STON2: variants seen among roughly 807,000 people sequenced by gnomAD.
STON2 encodes stonin 2.
Under a neutral mutation model 65.7 loss-of-function variants are expected in STON2, and 29 were observed. That is an observed-to-expected ratio of 0.44 (90% CI 0.33 to 0.60). The LOEUF is 0.60. Ranked by LOEUF, STON2 falls within the 20% of genes least tolerant of loss-of-function variation. The probability of loss-of-function intolerance (pLI) is 0.03; values close to 1 mark genes in which losing one functional copy is unlikely to be tolerated. For synonymous variants in STON2, 404 were observed against 414.2 expected, an observed-to-expected ratio of 0.98 and a Z score of 0.30; for missense variants, 1,054 against 1,118.1, an observed-to-expected ratio of 0.94 and a Z score of 0.82.
intron 5 of STON2, among the ~76,000 whole-genome samples, chr14:81,312,968 G>A (rs1432253971): frequency 6.6e-6 from 1 of 152,202 alleles, no homozygotes; most frequent in South Asian, 2.1e-4. Context: ...GACCCTTACA[G>A]GCAAACTAAT....
chr14:81,322,667 GA>G (rs1428835158), intron 5 of STON2, among the ~76,000 whole-genome samples: 1 of 152,202 alleles, frequency 6.6e-6, no homozygotes, highest in African/African-American at 2.4e-5. Context: ...AAACTTGGAA[GA>G]GGGGCATTCA....
At chr14:81,300,090 T>C (rs1895913896) in intron 5 of STON2, among the ~76,000 whole-genome samples, 1 of 151,976 alleles carries the variant, frequency 6.6e-6, no homozygotes, top group Non-Finnish European at 1.5e-5. Context: ...GACAATCTCA[T>C]AGGAAAGATA....
intron 7 of STON2, 157 bp from the exon 8 acceptor site, chr14:81,268,654 T>C (rs1023008095): frequency 1.0e-6 from 1 of 984,904 alleles, no homozygotes; most frequent in Non-Finnish European, 1.2e-6. Context: ...CCTGAGTATA[T>C]CATGTCTCTC....
rs936104191 is a variant in STON2 at position 81,410,047 on chromosome 14, C to CTTCTTA, written c.-198-11473_-198-11468dup. ...CAGATTAGTTCATACAGCTCTGATC[C>CTTCTTA]TTCTTATTTTCTCTTTTTTCCCAAC... On this transcript the variant is annotated intron_variant, in intron 2 of 8. Transcript: ENST00000553821. 1.6e-4 allele frequency among the ~76,000 whole-genome samples: 25 copies of CTTCTTA among 152,002 alleles called. No homozygotes were observed. In the South Asian group the frequency reaches 4.8e-3, roughly 29 times the overall value.
intron 5 of STON2, among the ~76,000 whole-genome samples, chr14:81,295,410 C>A (rs925806184): frequency 6.6e-6 from 1 of 152,166 alleles, no homozygotes; most frequent in Admixed American, 6.5e-5. Flanking sequence ...TCTATTAAAC[C>A]AAAACTTGTC....
Position 81,370,976 on chromosome 14 carries a change from G to A in STON2, c.571+12C>T. On this transcript the variant is annotated intron_variant, in intron 4 of 7. Transcript: ENST00000614646. ...GATTTGCAAAGCCCTCTGGCTTAGA[G>A]CTCCATCTTACCAGTTGAGTCAGCC... 1 of 1,611,158 alleles carries A rather than the reference G, an allele frequency of 6.2e-7. No homozygotes were observed. Among genetic ancestry groups the A allele is most frequent in the Middle Eastern group, 2.2e-4 (1 of 4,564 alleles).
intron 2 of STON2, among the ~76,000 whole-genome samples, chr14:81,412,485 A>C (rs1323843551): frequency 7.1e-6 from 1 of 140,296 alleles, no homozygotes; most frequent in Non-Finnish European, 1.5e-5. Flanking sequence ...TAAGCCAGTT[A>C]CAAAACGACA....
At position 81,264,642 on chromosome 14, in the gene STON2, A is replaced by C; in HGVS notation, c.*3772T>G. On this transcript the variant is annotated 3_prime_UTR_variant, in exon 8 of 8. Transcript: ENST00000614646. Reference sequence around the variant, plus strand: ...CAGCCACTGGATTTGAATAGAAATCAGTCTCATTTCAAATAAAAAATATTT... The same window carrying C: ...CAGCCACTGGATTTGAATAGAAATCCGTCTCATTTCAAATAAAAAATATTT... 1 of 984,892 alleles carries C rather than the reference A, an allele frequency of 1.0e-6. No homozygotes were observed. The highest frequency in any genetic ancestry group is 1.2e-6 in the Non-Finnish European group (1 of 829,396). 61.0% of individuals were successfully genotyped at this position (984,892 alleles called of 1,614,324 possible).
intron 3 of STON2, among the ~76,000 whole-genome samples, chr14:81,383,355 G>A (rs1256371965): frequency 6.6e-6 from 1 of 152,160 alleles, no homozygotes; most frequent in Non-Finnish European, 1.5e-5. Context: ...TAGCAAAAGT[G>A]CTTGGCACAA....
intron 4 of STON2, among the ~76,000 whole-genome samples, chr14:81,343,528 A>G (rs1446199045): frequency 6.6e-6 from 1 of 151,920 alleles, no homozygotes; most frequent in Non-Finnish European, 1.5e-5. Context: ...TTCACAAAGC[A>G]TATCGGGTGA....
At chr14:81,269,393 G>T in intron 7 of STON2, 1 of 985,272 alleles carries the variant, frequency 1.0e-6, no homozygotes. Context: ...GCAAAATACT[G>T]TCACTGTAAT....
At chr14:81,325,692 TA>T (rs1410983735) in intron 4 of STON2, among the ~76,000 whole-genome samples, 2 of 151,916 alleles carry the variant, frequency 1.3e-5, no homozygotes, top group Admixed American at 6.6e-5. Flanking sequence ...ATTTGGCACT[TA>T]AAAAAAACTT....
intron 5 of STON2, among the ~76,000 whole-genome samples, chr14:81,305,125 T>C (rs965168268): frequency 3.3e-5 from 5 of 152,268 alleles, no homozygotes; most frequent in African/African-American, 1.2e-4. Flanking sequence ...TTAGTTTGCA[T>C]TTCTGCATCG....
At chr14:81,276,031 G>T (rs1248525599) in intron 6 of STON2, among the ~76,000 whole-genome samples, 1 of 152,222 alleles carries the variant, frequency 6.6e-6, no homozygotes, top group East Asian at 1.9e-4. Flanking sequence ...AACAAGAAAA[G>T]AAGGGGTTTA....
intron 2 of STON2, among the ~76,000 whole-genome samples, chr14:81,407,848 G>A (rs1029868130): frequency 6.6e-6 from 1 of 152,154 alleles, no homozygotes; most frequent in African/African-American, 2.4e-5. Context: ...TCAGAATTGT[G>A]CATAGCACAG....
intron 5 of STON2, among the ~76,000 whole-genome samples, chr14:81,296,401 T>C (rs1315386475): frequency 1.3e-5 from 2 of 152,196 alleles, no homozygotes; most frequent in East Asian, 1.9e-4. Context: ...AAGACTTCTA[T>C]TTTCAAATCT....
At chr14:81,434,933 G>A (rs1902355908) in intron 1 of STON2, among the ~76,000 whole-genome samples, 1 of 152,020 alleles carries the variant, frequency 6.6e-6, no homozygotes, top group Admixed American at 6.5e-5. Flanking sequence ...TGGCATTTTT[G>A]CTGTGTGGTT....
intron 1 of STON2, among the ~76,000 whole-genome samples, chr14:81,428,970 T>C (rs768362394): frequency 2.6e-5 from 4 of 152,242 alleles, no homozygotes; most frequent in Non-Finnish European, 5.9e-5. Flanking sequence ...GCATGAAATA[T>C]GCTTGAGAAT....
intron 4 of STON2, among the ~76,000 whole-genome samples, chr14:81,369,492 G>C (rs1487528228): frequency 3.3e-5 from 5 of 152,114 alleles, no homozygotes; most frequent in Non-Finnish European, 7.4e-5. Flanking sequence ...CCTTCAGTGA[G>C]GGGCCCATTT....
Sources: gnomAD v4.1 joint callset for allele counts (sites outside exome capture counted in the v4.1 genomes callset) on GRCh38, gnomAD v4.1.1 for gene constraint, MANE v1.5 for transcripts, NCBI Gene and HGNC (gene_info 2026-07-23, HGNC 2026-07-21) for gene names.